Variants in GARRE1 observed in about 807,000 individuals in gnomAD.
GARRE1 encodes granule associated Rac and RHOG effector protein 1.
In GARRE1, 49 loss-of-function variants were observed where a neutral mutation model predicts 103.2. That is an observed-to-expected ratio of 0.47 (90% CI 0.38 to 0.60). The LOEUF (loss-of-function observed/expected upper bound fraction) is 0.60. Among genes scored for constraint, GARRE1 ranks in the 20% least tolerant of loss-of-function variants. The probability of loss-of-function intolerance (pLI) is 0.00; values close to 1 mark genes in which losing one functional copy is unlikely to be tolerated. For missense variants in GARRE1, 1,199 were observed against 1,370.5 expected, an observed-to-expected ratio of 0.87 and a Z score of 1.98; for synonymous variants, 505 against 532.8, an observed-to-expected ratio of 0.95 and a Z score of 0.72.
intron 8 of GARRE1, among the ~76,000 whole-genome samples, chr19:34,335,098 G>C (rs1351781156): frequency 1.3e-5 from 2 of 151,920 alleles, no homozygotes; most frequent in Admixed American, 6.6e-5. Flanking sequence ...TTGTTAAATT[G>C]TTTTAGAATA....
chr19:34,310,064 TAG>T (rs780801215), intron 2 of GARRE1, among the ~76,000 whole-genome samples: 1 of 152,198 alleles, frequency 6.6e-6, no homozygotes, highest in Non-Finnish European at 1.5e-5. Context: ...GCTGTCTTTT[TAG>T]AGAGTAGGAT....
intron 2 of GARRE1, among the ~76,000 whole-genome samples, chr19:34,302,384 C>G (rs554538069): frequency 6.8e-6 from 1 of 147,216 alleles, no homozygotes; most frequent in South Asian, 2.2e-4. Flanking sequence ...AACATCGCCT[C>G]CCAGGTTCAA....
intron 3 of GARRE1, among the ~76,000 whole-genome samples, chr19:34,323,023 CTTTTTT>C (rs71165649): frequency 1.6e-3 from 104 of 66,664 alleles, no homozygotes; most frequent in African/African-American, 5.7e-3. Flanking sequence ...TATTTCTTTT[CTTTTTT>C]TTTTTTTTTT....
At chr19:34,313,194 T>C (rs1421726149) in intron 2 of GARRE1, among the ~76,000 whole-genome samples, 1 of 152,102 alleles carries the variant, frequency 6.6e-6, no homozygotes, top group Non-Finnish European at 1.5e-5. Flanking sequence ...CCTCAGTCAG[T>C]AGACAGATGT....
rs1276668305 is a variant in GARRE1 at position 34,293,734 on chromosome 19, A to ACACC, written c.-795-5942_-795-5941insCCAC. 1.7e-4 allele frequency among the ~76,000 whole-genome samples: 21 copies of ACACC among 126,972 alleles called. 1 individual carries two copies. Among genetic ancestry groups the ACACC allele is most frequent in the Admixed American group, 4.2e-4 (5 of 11,922 alleles). 83.3% of individuals were successfully genotyped at this position (126,972 alleles called of 152,430 possible). ...CATATAAACACACACACACACACAC[A>ACACC]CACACACACATATTTCTTTTTTTTT... On this transcript the variant is annotated intron_variant, in intron 1 of 13. Coordinates refer to ENST00000299505, the MANE Select transcript of GARRE1 (RefSeq NM_014686.5).
At position 34,256,251 on chromosome 19, in the gene GARRE1, C is replaced by T. The variant is rs563589995; in HGVS notation, c.-796+1637C>T. 2.6e-5 allele frequency among the ~76,000 whole-genome samples: 4 copies of T among 151,978 alleles called. No homozygotes were observed. The East Asian group carries it at 7.8e-4, about 30-fold the overall frequency. On this transcript the variant is annotated intron_variant, in intron 1 of 13. Coordinates refer to ENST00000299505, the MANE Select transcript of GARRE1 (RefSeq NM_014686.5). ...TTCCAGCCTGGCGCGATGGCTCATG[C>T]CTGTAATCCCAGCACTTTGGGAGGC...
rs968521447 is a variant in GARRE1, at chr19:34,339,548, G to A, written c.1362-319G>A. 3.9e-5 allele frequency among the ~76,000 whole-genome samples: 6 copies of A among 152,138 alleles called. No individual in the cohort carries two copies. In the South Asian group the frequency reaches 1.2e-3, roughly 31 times the overall value. ...TTTTTATGGAGGCTTCATCATATAA[G>A]CAAGTCATCTTATTAGAACAAAAGA... On this transcript the variant is annotated intron_variant, in intron 8 of 13. Transcript: ENST00000299505.
intron 8 of GARRE1, among the ~76,000 whole-genome samples, chr19:34,337,616 T>G (rs1439956658): frequency 6.6e-6 from 1 of 152,042 alleles, no homozygotes; most frequent in Non-Finnish European, 1.5e-5. Flanking sequence ...GCAGGGCCCT[T>G]GAAGGAATTG....
In GARRE1 at chr19:34,328,051, T is replaced by C; in HGVS notation, c.1004T>C (p.Met335Thr). ...CGGAGGCAGACACCCCCGCAGCCCA[T>C]GCAGTGTGAGCTCCCCACCGTCCCT... The part of the protein sequence containing the change: ...TGRRQTPPQP[M>T]QCELPTVPVQ... Residue 335 changes from methionine to threonine, a missense_variant, in exon 6 of 14, where the codon ATG becomes ACG. By Grantham distance (81) the Met-to-Thr change is moderately conservative. Transcript: ENST00000299505. The C allele has an allele frequency of 1.2e-6, 2 of 1,614,134 alleles. No homozygotes were observed. The highest frequency in any genetic ancestry group is 8.5e-7 in the Non-Finnish European group (1 of 1,180,018).
chr19:34,256,287 G>A (rs1001346359), intron 1 of GARRE1, among the ~76,000 whole-genome samples: 15 of 151,426 alleles, frequency 9.9e-5, no homozygotes, highest in East Asian at 1.9e-4. Flanking sequence ...CGAGGCGGGC[G>A]GATCACTTGA....
At chr19:34,331,687 C>A (rs554467694) in intron 7 of GARRE1, among the ~76,000 whole-genome samples, 2 of 152,050 alleles carry the variant, frequency 1.3e-5, no homozygotes, top group Non-Finnish European at 2.9e-5. Context: ...TTCTAGTAAA[C>A]GACTACTTTT....
rs572714541 is a variant in GARRE1, at chr19:34,300,794, C to A, written c.321C>A (p.Asn107Lys). 4.1e-5 allele frequency: 66 copies of A among 1,614,224 alleles called. No homozygotes were observed. The South Asian group carries it at 6.9e-4, about 17-fold the overall frequency. The change falls in exon 2 of 14, where the codon AAC becomes AAA. Residue 107 changes from asparagine (N) to lysine (K), a missense_variant. Coordinates refer to ENST00000299505, the MANE Select transcript of GARRE1 (RefSeq NM_014686.5). Reference protein sequence around the residue: ...LTDLFSTVFRNSHYSKAATQL... With the variant: ...LTDLFSTVFRKSHYSKAATQL... The stretch of plus-strand genomic sequence containing the variant: ...ATCTCTTCAGCACTGTGTTCAGGAA[C>A]TCTCACTACTCAAAGGCAGCCACAC...
intron 2 of GARRE1, among the ~76,000 whole-genome samples, chr19:34,307,159 G>A (rs1170353340): frequency 1.3e-5 from 2 of 152,104 alleles, no homozygotes; most frequent in African/African-American, 2.4e-5. Context: ...GGTAAAGAGG[G>A]GCCACTCTGG....
At chr19:34,289,243 C>G (rs775213970) in intron 1 of GARRE1, among the ~76,000 whole-genome samples, 1 of 151,620 alleles carries the variant, frequency 6.6e-6, no homozygotes, top group Non-Finnish European at 1.5e-5. Context: ...GACCAGCCTG[C>G]GCAACATGGT....
chr19:34,306,614 A>C (rs1015906611), intron 2 of GARRE1, among the ~76,000 whole-genome samples: 2 of 152,206 alleles, frequency 1.3e-5, no homozygotes, highest in African/African-American at 2.4e-5. Context: ...AGTTGTGACT[A>C]TGGGGTTTCA....
At position 34,330,180 on chromosome 19, in the gene GARRE1, A is replaced by G. The variant is rs768791341; in HGVS notation, c.1105-9A>G. ...TTGAGGTGTGAACTCTCTTCTTATC[A>G]ATCTATAGCATACAATGTTACAGCT... On this transcript the variant is annotated splice_polypyrimidine_tract_variant and intron_variant, in intron 6 of 13. Coordinates refer to ENST00000299505, the MANE Select transcript of GARRE1 (RefSeq NM_014686.5). 3 of 1,611,606 alleles carry G rather than the reference A, an allele frequency of 1.9e-6. No individual in the cohort carries two copies. Among genetic ancestry groups the G allele is most frequent in the Non-Finnish European group, 2.5e-6 (3 of 1,178,030 alleles).
intron 1 of GARRE1, among the ~76,000 whole-genome samples, chr19:34,288,637 C>T (rs1366756176): frequency 6.6e-6 from 1 of 152,216 alleles, no homozygotes; most frequent in Non-Finnish European, 1.5e-5. Flanking sequence ...TTGATGGTGG[C>T]CTTTGACATG....
chr19:34,285,435 C>A (rs1342763809), intron 1 of GARRE1, among the ~76,000 whole-genome samples: 1 of 152,014 alleles, frequency 6.6e-6, no homozygotes, highest in Non-Finnish European at 1.5e-5. Flanking sequence ...CCAGCCTGGC[C>A]AACGTGGTGA....
intron 9 of GARRE1, among the ~76,000 whole-genome samples, chr19:34,340,210 C>T (rs2074179550): frequency 6.6e-6 from 1 of 152,170 alleles, no homozygotes; most frequent in Non-Finnish European, 1.5e-5. Flanking sequence ...CCCCTATTTG[C>T]TAACTTTTTT....
Sources: gnomAD v4.1 joint callset for allele counts (sites outside exome capture counted in the v4.1 genomes callset) on GRCh38, gnomAD v4.1.1 for gene constraint, MANE v1.5 for transcripts, NCBI Gene and HGNC (gene_info 2026-07-23, HGNC 2026-07-21) for gene names.